The following BEND7 variants were observed in gnomAD, a reference collection of about 807,000 sequenced individuals.
BEND7 encodes the protein BEN domain containing 7, also known as BEN domain-containing protein 7.
In BEND7, 28 loss-of-function variants were observed where a neutral mutation model predicts 50.9. The ratio of observed to expected loss-of-function variants is 0.55; its 90% CI spans 0.41 to 0.75. The LOEUF (loss-of-function observed/expected upper bound fraction) is 0.75. Among genes scored for constraint, BEND7 ranks in the 30% least tolerant of loss-of-function variants. The pLI is 0.00. For synonymous variants in BEND7, 170 were observed against 183.9 expected (o/e 0.92, Z 0.61); for missense variants, 477 against 491.3 (o/e 0.97, Z 0.28).
At position 13,441,147 on chromosome 10, in the gene BEND7, T is replaced by G. The variant is rs373138745; in HGVS notation, c.*596A>C. 1.0e-6 allele frequency: 1 copy of G among 984,722 alleles called. No individual in the cohort carries two copies. The highest frequency in any genetic ancestry group is 1.2e-6 in the Non-Finnish European group (1 of 829,380). 61.0% of individuals were successfully genotyped at this position (984,722 alleles called of 1,614,324 possible). On this transcript the variant is annotated 3_prime_UTR_variant, in exon 9 of 9. Coordinates refer to ENST00000466271, the MANE Select transcript of BEND7 (RefSeq NM_001369863.1). ...CAGACATAAAGAGCATCTTGGGAATTGATACCACAACACAATGTTATACAC... is the reference window on the plus strand; with the variant it reads ...CAGACATAAAGAGCATCTTGGGAATGGATACCACAACACAATGTTATACAC...
chr10:13,522,411 CT>C (rs1416667695), intron 2 of BEND7, among the ~76,000 whole-genome samples: 3 of 152,192 alleles, frequency 2.0e-5, no homozygotes, highest in Non-Finnish European at 4.4e-5. Flanking sequence ...ACTCCGGCCT[CT>C]GCTATTCGTG....
At chr10:13,457,547 A>T (rs7911074) in intron 6 of BEND7, among the ~76,000 whole-genome samples, 14,543 of 152,260 alleles carry the variant, frequency 0.096, 730 homozygotes, top group Admixed American at 0.13. Context: ...CATTATTGAC[A>T]CCCTAGTTCA....
At chr10:13,447,379 A>C (rs778793131) in intron 7 of BEND7, 63 bp from the exon 8 acceptor site, 1 of 1,554,244 alleles carries the variant, frequency 6.4e-7, no homozygotes, top group Non-Finnish European at 8.9e-7. Context: ...CATTTTACAG[A>C]AAATAGTGAT....
At chr10:13,476,240 G>A (rs969911732) in intron 6 of BEND7, among the ~76,000 whole-genome samples, 5 of 152,182 alleles carry the variant, frequency 3.3e-5, no homozygotes, top group Non-Finnish European at 4.4e-5. Context: ...GACAGCAAAA[G>A]CGGCCAGGCA....
chr10:13,461,012 A>T (rs1157756611), intron 6 of BEND7, among the ~76,000 whole-genome samples: 1 of 152,190 alleles, frequency 6.6e-6, no homozygotes, highest in Non-Finnish European at 1.5e-5. Flanking sequence ...CAAACCTGCA[A>T]TTACACACGC....
At position 13,501,604 on chromosome 10, in the gene BEND7, C is replaced by T. The variant is rs546411191; in HGVS notation, c.146-1524G>A. Among the ~76,000 whole-genome samples, 15 of 151,772 alleles carry T rather than the reference C, an allele frequency of 9.9e-5. No individual in the cohort carries two copies. The South Asian group carries it at 1.3e-3, about 13-fold the overall frequency. ...GCTCACACGTGTAATCCCAGCCCTT[C>T]GGGAGGCTGAGATGGGAGGGTCATT... is the stretch of plus-strand genomic sequence containing the variant. On this transcript the variant is annotated intron_variant, in intron 2 of 8. Transcript: ENST00000466271.
intron 5 of BEND7, among the ~76,000 whole-genome samples, chr10:13,487,543 C>T (rs986069416): frequency 9.2e-5 from 14 of 151,930 alleles, no homozygotes; most frequent in African/African-American, 3.4e-4. Flanking sequence ...TGCGCCACCA[C>T]GCCCGGCTAA....
At chr10:13,478,675 A>G (rs1161238963) in intron 6 of BEND7, among the ~76,000 whole-genome samples, 4 of 152,216 alleles carry the variant, frequency 2.6e-5, no homozygotes, top group Non-Finnish European at 2.9e-5. Context: ...TTTAAAATAA[A>G]TATTATTTTT....
intron 8 of BEND7, chr10:13,444,035 A>G (rs1475218453): frequency 2.0e-5 from 3 of 152,202 alleles, no homozygotes; most frequent in Non-Finnish European, 4.4e-5. Context: ...TAAATTTTAG[A>G]AAGCACTGTT....
At chr10:13,448,738 G>A (rs1244076325) in intron 7 of BEND7, among the ~76,000 whole-genome samples, 1 of 152,098 alleles carries the variant, frequency 6.6e-6, no homozygotes, top group African/African-American at 2.4e-5. Flanking sequence ...GTATTTGGGA[G>A]GCCGAGGCGG....
chr10:13,520,457 C>A (rs574186349), intron 2 of BEND7, among the ~76,000 whole-genome samples: 1 of 151,970 alleles, frequency 6.6e-6, no homozygotes, highest in Non-Finnish European at 1.5e-5. Context: ...CGGGTCAGAC[C>A]GTGCATACTA....
chr10:13,439,189 A>T (rs746185901), downstream of BEND7: 6 of 1,612,906 alleles, frequency 3.7e-6, no homozygotes, highest in South Asian at 6.6e-5. Context: ...GAGAGGCAAG[A>T]GATGTGAAGG....
At chr10:13,463,891 G>T (rs1264029612) in intron 6 of BEND7, among the ~76,000 whole-genome samples, 1 of 152,180 alleles carries the variant, frequency 6.6e-6, no homozygotes, top group Non-Finnish European at 1.5e-5. Context: ...GAAAAGGATG[G>T]AAATTCACAG....
intron 3 of BEND7, among the ~76,000 whole-genome samples, chr10:13,498,515 C>A (rs1216670458): frequency 1.3e-5 from 2 of 152,254 alleles, no homozygotes; most frequent in South Asian, 4.2e-4. Context: ...CACTGTTCAC[C>A]CAAAACTTAC....
At chr10:13,488,865 G>A (rs1395335030) in intron 5 of BEND7, among the ~76,000 whole-genome samples, 1 of 152,186 alleles carries the variant, frequency 6.6e-6, no homozygotes, top group African/African-American at 2.4e-5. Context: ...TTTATTTAAT[G>A]TGCTACTTTT....
chr10:13,461,321 A>G (rs1268276753), intron 6 of BEND7, among the ~76,000 whole-genome samples: 3 of 152,174 alleles, frequency 2.0e-5, no homozygotes, highest in Admixed American at 2.0e-4. Flanking sequence ...GTGATGGGAG[A>G]GCTGGAACGA....
intron 2 of BEND7, among the ~76,000 whole-genome samples, chr10:13,513,981 C>T (rs2078469128): frequency 6.6e-6 from 1 of 152,234 alleles, no homozygotes; most frequent in Admixed American, 6.5e-5. Context: ...ACTGTCTGTG[C>T]AGCCCTGGCC....
chr10:13,448,592 C>T (rs927004065), intron 7 of BEND7, among the ~76,000 whole-genome samples: 7 of 152,282 alleles, frequency 4.6e-5, no homozygotes, highest in East Asian at 1.9e-4. Flanking sequence ...CTCAGATGGA[C>T]GCTCACTGGC....
At position 13,474,092 on chromosome 10, in the gene BEND7, G is replaced by A. The variant is rs141282721; in HGVS notation, c.1063+6807C>T. ...CATCATCACTGTTAGACACAGGGCC[G>A]ATACCTGTCATTGCTGTTAGACTCA... On this transcript the variant is annotated intron_variant, in intron 6 of 8. Transcript: ENST00000466271. 2.6e-3 allele frequency among the ~76,000 whole-genome samples: 402 copies of A among 151,738 alleles called. 1 individual carries two copies. The highest frequency in any genetic ancestry group is 3.9e-3 in the Non-Finnish European group (264 of 67,878).
Sources: gnomAD v4.1 joint callset for allele counts (sites outside exome capture counted in the v4.1 genomes callset) on GRCh38, gnomAD v4.1.1 for gene constraint, MANE v1.5 for transcripts, NCBI Gene and HGNC (gene_info 2026-07-23, HGNC 2026-07-21) for gene names.